Variants in UBAC2 observed in about 807,000 individuals in gnomAD.
UBAC2 encodes UBA domain containing 2, also known as ubiquitin-associated domain-containing protein 2.
In UBAC2, 26 loss-of-function variants were observed where a neutral mutation model predicts 44.0. The ratio of observed to expected loss-of-function variants is 0.59; its 90% CI spans 0.43 to 0.82. UBAC2 has a LOEUF of 0.82. Among genes scored for constraint, UBAC2 ranks in the 40% least tolerant of loss-of-function variants. UBAC2 has a pLI of 0.00. For missense variants in UBAC2, 329 were observed against 419.4 expected (o/e 0.78, Z 1.88); for synonymous variants, 155 against 154.3 (o/e 1.00, Z -0.04).
At chr13:99,302,325 A>G (rs1455961002) in intron 4 of UBAC2, among the ~76,000 whole-genome samples, 2 of 152,256 alleles carry the variant, frequency 1.3e-5, no homozygotes, top group African/African-American at 4.8e-5. Flanking sequence ...GAGGGGGAAG[A>G]TGAAAGCTCA....
At chr13:99,290,649 C>G (rs528102569) in intron 4 of UBAC2, among the ~76,000 whole-genome samples, 1 of 150,058 alleles carries the variant, frequency 6.7e-6, no homozygotes, top group Non-Finnish European at 1.5e-5. Flanking sequence ...CATTTAAACC[C>G]AGGAGGTGGA....
intron 1 of UBAC2, among the ~76,000 whole-genome samples, chr13:99,211,995 CTTT>C (rs1439946954): frequency 2.6e-5 from 4 of 152,178 alleles, no homozygotes; most frequent in Non-Finnish European, 5.9e-5. Flanking sequence ...TCCAGTTTAC[CTTT>C]GGTAGACATG....
intron 1 of UBAC2, among the ~76,000 whole-genome samples, chr13:99,208,186 G>A (rs548844580): frequency 2.0e-5 from 3 of 151,800 alleles, no homozygotes; most frequent in Admixed American, 6.6e-5. Flanking sequence ...TAGTAGAGAC[G>A]GGGTTTCTCC....
intron 7 of UBAC2, among the ~76,000 whole-genome samples, chr13:99,344,071 A>G (rs1474139065): frequency 6.6e-6 from 1 of 152,210 alleles, no homozygotes; most frequent in Non-Finnish European, 1.5e-5. Flanking sequence ...ACTCTTTATC[A>G]GTAAGAAGAC....
chr13:99,211,931 C>T (rs1026281264), intron 1 of UBAC2, among the ~76,000 whole-genome samples: 1 of 152,190 alleles, frequency 6.6e-6, no homozygotes, highest in East Asian at 1.9e-4. Flanking sequence ...CTACCATGCT[C>T]CTTCTCCTGG....
At chr13:99,297,324 G>T (rs2044191266) in intron 4 of UBAC2, among the ~76,000 whole-genome samples, 1 of 152,012 alleles carries the variant, frequency 6.6e-6, no homozygotes, top group African/African-American at 2.4e-5. Flanking sequence ...ATCTCACCTG[G>T]AAGTCACCAA....
intron 6 of UBAC2, among the ~76,000 whole-genome samples, chr13:99,327,871 C>T (rs2138799489): frequency 6.6e-6 from 1 of 152,112 alleles, no homozygotes; most frequent in Middle Eastern, 3.4e-3. Context: ...TATTTACATA[C>T]AATAGAACTC....
chr13:99,255,661 A>C, intron 4 of UBAC2: 1 of 1,614,100 alleles, frequency 6.2e-7, no homozygotes, highest in Non-Finnish European at 8.5e-7. Context: ...AGTCATTATA[A>C]ATATCAAGTC....
chr13:99,308,319 C>T (rs1021504147), intron 4 of UBAC2, among the ~76,000 whole-genome samples: 4 of 152,114 alleles, frequency 2.6e-5, no homozygotes, highest in Non-Finnish European at 4.4e-5. Context: ...ATTAAATAAG[C>T]TGGGGATGTG....
intron 8 of UBAC2, chr13:99,377,773 G>T (rs2045499882): frequency 6.6e-6 from 1 of 152,204 alleles, no homozygotes. Context: ...GTCCTGAGAG[G>T]TCATGTTTAT....
chr13:99,201,107 A>G, intron 1 of UBAC2, 168 bp downstream of exon 1: 1 of 1,349,680 alleles, frequency 7.4e-7, no homozygotes, highest in East Asian at 2.7e-5. Context: ...GTCAGCGGAA[A>G]CCGCCCCCAT....
chr13:99,301,187 A>G (rs2044252133), intron 4 of UBAC2, among the ~76,000 whole-genome samples: 1 of 152,226 alleles, frequency 6.6e-6, no homozygotes, highest in Admixed American at 6.5e-5. Flanking sequence ...GAGGGACAGG[A>G]GTCAGGACAG....
rs1594130905 is a variant in UBAC2, at chr13:99,327,146, C to T, written c.561+9077C>T. Among the ~76,000 whole-genome samples the T allele has an allele frequency of 2.6e-5, 4 of 152,314 alleles. No homozygotes were observed. The South Asian group carries it at 8.3e-4, about 32-fold the overall frequency. Reference sequence around the variant, plus strand: ...AACTCAGCTTAAACCTCACCTTCAGCAAACTCACTGTCTTGTATTTCTTGC... The same window carrying T: ...AACTCAGCTTAAACCTCACCTTCAGTAAACTCACTGTCTTGTATTTCTTGC... On this transcript the variant is annotated intron_variant, in intron 6 of 8. Transcript: ENST00000403766.
In UBAC2 at chr13:99,245,777, G is replaced by T. The variant is rs1281782339; in HGVS notation, c.389+1153G>T. Among the ~76,000 whole-genome samples, 4 of 152,336 alleles carry T rather than the reference G, an allele frequency of 2.6e-5. No individual in the cohort carries two copies. The East Asian group carries it at 7.7e-4, about 29-fold the overall frequency. On this transcript the variant is annotated intron_variant, in intron 4 of 8. Transcript: ENST00000403766. ...TTGAACCCGGGAGGCAGAGGTTGCA[G>T]TGAGCGGAGATCGCTCCACTGCACT...
At chr13:99,285,178 CA>C (rs1386161492) in intron 4 of UBAC2, among the ~76,000 whole-genome samples, 1 of 151,908 alleles carries the variant, frequency 6.6e-6, no homozygotes, top group Admixed American at 6.6e-5. Flanking sequence ...CTACTGTTTC[CA>C]CATTTATCCT....
At chr13:99,306,412 C>G (rs955125106) in intron 4 of UBAC2, among the ~76,000 whole-genome samples, 1 of 151,870 alleles carries the variant, frequency 6.6e-6, no homozygotes, top group African/African-American at 2.4e-5. Flanking sequence ...TGTGGGGGGG[C>G]CACACAGCTT....
intron 1 of UBAC2, among the ~76,000 whole-genome samples, chr13:99,225,523 T>C (rs540372048): frequency 3.3e-5 from 5 of 152,380 alleles, no homozygotes; most frequent in African/African-American, 9.6e-5. Context: ...CCATTATATG[T>C]GTATGCCACA....
intron 2 of UBAC2, among the ~76,000 whole-genome samples, chr13:99,242,697 T>C (rs2043327932): frequency 1.1e-5 from 1 of 93,698 alleles, no homozygotes. Flanking sequence ...CCCCCCCACC[T>C]CCCTCCCCGA....
chr13:99,220,116 G>A (rs1482400501), intron 1 of UBAC2, among the ~76,000 whole-genome samples: 1 of 152,118 alleles, frequency 6.6e-6, no homozygotes, highest in East Asian at 1.9e-4. Flanking sequence ...TGTGCTTGAC[G>A]TTTTGTGGAA....
Sources: allele counts gnomAD v4.1 joint callset (sites outside exome capture counted in the v4.1 genomes callset), GRCh38; gene constraint gnomAD v4.1.1; transcripts MANE v1.5; gene names NCBI Gene and HGNC (gene_info 2026-07-23, HGNC 2026-07-21).